PTPRD: variants seen among roughly 807,000 people sequenced by gnomAD.
PTPRD encodes protein tyrosine phosphatase receptor type D, also known as receptor-type tyrosine-protein phosphatase delta.
Under a neutral mutation model 214.5 loss-of-function variants are expected in PTPRD, and 34 were observed. The ratio of observed to expected loss-of-function variants is 0.16; its 90% CI spans 0.12 to 0.21. PTPRD has a LOEUF of 0.21. PTPRD is among the 10% of genes least tolerant of loss of function. The pLI, the probability that PTPRD is intolerant of heterozygous loss-of-function variation, is 1.00. For missense variants in PTPRD, 2,545 were observed against 2,398.7 expected (o/e 1.06, Z -1.27); for synonymous variants, 1,128 against 845.7 (o/e 1.33, Z -5.79).
chr9:8,851,664 G>C (rs919148371), intron 11 of PTPRD, among the ~76,000 whole-genome samples: 3 of 152,122 alleles, frequency 2.0e-5, no homozygotes, highest in African/African-American at 4.8e-5. Flanking sequence ...TTCTACATTC[G>C]AGAATTATGT....
chr9:9,966,315 T>C (rs75732585), intron 4 of PTPRD, among the ~76,000 whole-genome samples: 2,801 of 152,290 alleles, frequency 0.018, 91 homozygotes, highest in African/African-American at 0.064. Context: ...ACTAAAATCT[T>C]CAGACTTTCT....
At chr9:10,511,569 A>ATTTTTTTTTTTTTTTTTT (rs66768632) in intron 2 of PTPRD, among the ~76,000 whole-genome samples, 11 of 127,852 alleles carry the variant, frequency 8.6e-5, no homozygotes, top group South Asian at 2.5e-4. Flanking sequence ...ACACCCTGGT[A>ATTTTTTTTTTTTTTTTTT]TTTTTTTTTT....
At chr9:8,742,532 T>G (rs2092171596) in intron 11 of PTPRD, among the ~76,000 whole-genome samples, 1 of 152,032 alleles carries the variant, frequency 6.6e-6, no homozygotes, top group Admixed American at 6.5e-5. Context: ...ATGTTATGGG[T>G]AATAGGTTTT....
intron 4 of PTPRD, among the ~76,000 whole-genome samples, chr9:10,026,144 GC>G (rs2096918998): frequency 6.6e-6 from 1 of 152,168 alleles, no homozygotes; most frequent in African/African-American, 2.4e-5. Context: ...ACCAGTCCAA[GC>G]CAATGCCAGT....
chr9:8,600,845 G>A (rs569804406), intron 14 of PTPRD, among the ~76,000 whole-genome samples: 19 of 151,962 alleles, frequency 1.3e-4, no homozygotes, highest in Non-Finnish European at 2.6e-4. Flanking sequence ...AACTGTGGTG[G>A]CTATGGGGAG....
At chr9:8,445,659 T>C (rs1342299743) in intron 34 of PTPRD, among the ~76,000 whole-genome samples, 1 of 152,190 alleles carries the variant, frequency 6.6e-6, no homozygotes, top group Non-Finnish European at 1.5e-5. Context: ...CTGAATCTAG[T>C]CCTATTCCTA....
intron 11 of PTPRD, among the ~76,000 whole-genome samples, chr9:8,747,861 G>C (rs2093011131): frequency 6.6e-6 from 1 of 152,158 alleles, no homozygotes; most frequent in South Asian, 2.1e-4. Flanking sequence ...GGCCTGTAAA[G>C]TGTGCCAAAG....
At chr9:9,639,646 G>A (rs1457954202) in intron 7 of PTPRD, among the ~76,000 whole-genome samples, 1 of 152,102 alleles carries the variant, frequency 6.6e-6, no homozygotes, top group African/African-American at 2.4e-5. Context: ...TTATTCTGAA[G>A]CTTTTTAAAA....
chr9:10,512,062 A>G (rs1015880349), intron 2 of PTPRD, among the ~76,000 whole-genome samples: 2 of 143,318 alleles, frequency 1.4e-5, no homozygotes, highest in Non-Finnish European at 3.0e-5. Flanking sequence ...GTATATATAT[A>G]TGAAGTAAAA....
intron 10 of PTPRD, among the ~76,000 whole-genome samples, chr9:9,166,450 C>T (rs914695190): frequency 6.6e-6 from 1 of 152,078 alleles, no homozygotes; most frequent in East Asian, 1.9e-4. Flanking sequence ...TCTCATTCCC[C>T]CAGCTGACCT....
chr9:8,329,516 T>C (rs1837534532), intron 44 of PTPRD, among the ~76,000 whole-genome samples: 1 of 151,594 alleles, frequency 6.6e-6, no homozygotes, highest in Non-Finnish European at 1.5e-5. Context: ...GAGGAGAGAG[T>C]CTGTCCCTTA....
chr9:10,168,553 C>T (rs1453142357), intron 3 of PTPRD, among the ~76,000 whole-genome samples: 1 of 152,134 alleles, frequency 6.6e-6, no homozygotes, highest in African/African-American at 2.4e-5. Context: ...AGAACAGCAT[C>T]TTTTGTGCTT....
intron 2 of PTPRD, among the ~76,000 whole-genome samples, chr9:10,343,988 T>TTG (rs2097004429): frequency 7.2e-6 from 1 of 138,488 alleles, no homozygotes. Context: ...GTTTTTTTTT[T>TTG]TTTTTTTTTT....
chr9:9,541,340 G>A lies in PTPRD; in HGVS notation c.-237+33392C>T, dbSNP rs75113091. On this transcript the variant is annotated intron_variant, in intron 8 of 45. Transcript: ENST00000381196. ...CTAGACTGAGAGGTCATATGGAGGC[G>A]CTCTGGAAGATGAAACACCATGTGA... is the stretch of plus-strand genomic sequence containing the variant. 9.4e-3 allele frequency among the ~76,000 whole-genome samples: 1,427 copies of A among 151,834 alleles called. 17 individuals carry two copies. The highest frequency in any genetic ancestry group is 0.032 in the African/African-American group (1,339 of 41,480).
chr9:8,870,929 A>T (rs758607105), intron 11 of PTPRD, among the ~76,000 whole-genome samples: 2 of 152,192 alleles, frequency 1.3e-5, no homozygotes, highest in Non-Finnish European at 2.9e-5. Flanking sequence ...ATCCTTGGGC[A>T]TCCAAAAGGG....
At chr9:10,349,917 C>T (rs571450065) in intron 2 of PTPRD, among the ~76,000 whole-genome samples, 2 of 152,246 alleles carry the variant, frequency 1.3e-5, no homozygotes, top group South Asian at 4.2e-4. Flanking sequence ...CCACCTCGTC[C>T]CCCAAAGTGC....
chr9:8,940,774 T>C (rs139266680), intron 11 of PTPRD, among the ~76,000 whole-genome samples: 39 of 152,222 alleles, frequency 2.6e-4, no homozygotes, highest in African/African-American at 8.9e-4. Flanking sequence ...CTTTCAGTAC[T>C]GTTCCTTGGG....
intron 4 of PTPRD, among the ~76,000 whole-genome samples, chr9:10,020,231 T>A (rs1226859072): frequency 6.6e-6 from 1 of 152,220 alleles, no homozygotes; most frequent in Non-Finnish European, 1.5e-5. Flanking sequence ...GTGCTTAAAA[T>A]GAACCAACAA....
At position 9,343,857 on chromosome 9, in the gene PTPRD, A is replaced by G. The variant is rs1347728280; in HGVS notation, c.-203+53592T>C. 5.3e-5 allele frequency among the ~76,000 whole-genome samples: 8 copies of G among 152,086 alleles called. No homozygotes were observed. In the East Asian group the frequency reaches 1.5e-3, roughly 29 times the overall value. On this transcript the variant is annotated intron_variant, in intron 9 of 45. Transcript: ENST00000381196. ...TTCTTCCCAGTTTCAACTAAATGTT[A>G]TATCCTGGGTGAAATTCTTTAGGGT...
Sources: gnomAD v4.1 joint callset for allele counts (sites outside exome capture counted in the v4.1 genomes callset) on GRCh38, gnomAD v4.1.1 for gene constraint, MANE v1.5 for transcripts, NCBI Gene and HGNC (gene_info 2026-07-23, HGNC 2026-07-21) for gene names.